Variants in IL1RAPL1 observed in about 807,000 individuals in gnomAD.
IL1RAPL1 encodes the protein interleukin-1 receptor accessory protein-like 1.
In IL1RAPL1, 3 loss-of-function variants were observed where a neutral mutation model predicts 48.4. The observed-to-expected ratio is 0.06, with a 90% confidence interval of 0.03 to 0.16. The LOEUF (loss-of-function observed/expected upper bound fraction) is 0.16, where lower values mean the gene tolerates loss of function less well. IL1RAPL1 is among the 10% of genes least tolerant of loss of function. The pLI is 1.00. For synonymous variants in IL1RAPL1, 185 were observed against 187.7 expected (o/e 0.99, Z 0.12); for missense variants, 349 against 530.6 (o/e 0.66, Z 3.36).
At chrX:28,834,270 T>A (rs73631608) in intron 2 of IL1RAPL1, among the ~76,000 whole-genome samples, 77 of 103,070 alleles carry the variant, frequency 7.5e-4, no homozygotes, top group African/African-American at 2.7e-3. Flanking sequence ...AATTTTTGTG[T>A]GTATCTTCAT....
intron 6 of IL1RAPL1, among the ~76,000 whole-genome samples, chrX:29,791,971 TTTGCCCTCC>T (rs1209019837): frequency 9.1e-6 from 1 of 109,943 alleles, no homozygotes; most frequent in African/African-American, 3.3e-5. Context: ...GCTCAAGTGA[TTTGCCCTCC>T]TCGGCCTCCC....
intron 5 of IL1RAPL1, among the ~76,000 whole-genome samples, chrX:29,418,860 T>C (rs1406125555): frequency 8.9e-6 from 1 of 112,290 alleles, no homozygotes; most frequent in East Asian, 2.8e-4. Flanking sequence ...TAATCTAATT[T>C]GTCTTTGAGT....
intron 5 of IL1RAPL1, among the ~76,000 whole-genome samples, chrX:29,435,279 A>G (rs965844060): frequency 1.8e-5 from 2 of 111,309 alleles, no homozygotes; most frequent in Non-Finnish European, 3.8e-5. Flanking sequence ...GTACAAGTTG[A>G]TAATGTGAAC....
intron 2 of IL1RAPL1, among the ~76,000 whole-genome samples, chrX:29,193,922 A>G (rs1930397466): frequency 8.9e-6 from 1 of 111,843 alleles, no homozygotes; most frequent in Non-Finnish European, 1.9e-5. Context: ...TATTTTTGCA[A>G]CTTCTTGATC....
At chrX:29,184,966 AGTCTATATGAGATGTACTGTGTT>A (rs1320543774) in intron 2 of IL1RAPL1, among the ~76,000 whole-genome samples, 1 of 112,045 alleles carries the variant, frequency 8.9e-6, no homozygotes, top group Non-Finnish European at 1.9e-5. Context: ...CAATTTTGTG[AGTCTATATGAGATGTACTGTGTT>A]GTTCCTAAAG....
intron 1 of IL1RAPL1, among the ~76,000 whole-genome samples, chrX:28,734,199 C>G (rs1313547032): frequency 9.0e-6 from 1 of 110,937 alleles, no homozygotes; most frequent in Non-Finnish European, 1.9e-5. Flanking sequence ...CTGCTCTTCC[C>G]CTCTTCAAAT....
chrX:29,544,982 G>T (rs760358426), intron 5 of IL1RAPL1, among the ~76,000 whole-genome samples: 9 of 110,324 alleles, frequency 8.2e-5, no homozygotes, highest in Admixed American at 2.0e-4. Context: ...CCAGGAGGAG[G>T]CATGCACCCA....
At chrX:29,216,033 A>AAG (rs1368500249) in intron 2 of IL1RAPL1, among the ~76,000 whole-genome samples, 3 of 111,501 alleles carry the variant, frequency 2.7e-5, no homozygotes, top group Non-Finnish European at 5.6e-5. Context: ...AATGAAAATG[A>AAG]TCACTTCTTC....
In IL1RAPL1 at chrX:29,954,508, G is replaced by A. The variant is rs2147258587; in HGVS notation, c.1202-14G>A. The A allele has an allele frequency of 8.3e-7, 1 of 1,200,693 alleles. No homozygotes were observed. The highest frequency in any genetic ancestry group is 1.8e-5 in the South Asian group (1 of 56,606). ...GAGTAGTGACTTCGACTTTTCTTTG[G>A]AATTTTTTGACAGACAATAAAGATT... On this transcript the variant is annotated splice_polypyrimidine_tract_variant and intron_variant, in intron 9 of 10. Transcript: ENST00000378993.
chrX:28,999,437 A>G (rs1297737511), intron 2 of IL1RAPL1, among the ~76,000 whole-genome samples: 1 of 111,384 alleles, frequency 9.0e-6, no homozygotes, highest in African/African-American at 3.3e-5. Flanking sequence ...CCAATCCCTG[A>G]GTTAATTTAG....
intron 2 of IL1RAPL1, among the ~76,000 whole-genome samples, chrX:29,004,983 T>C (rs1379057414): frequency 8.9e-6 from 1 of 112,382 alleles, no homozygotes; most frequent in African/African-American, 3.2e-5. Flanking sequence ...ATGGTTCCCA[T>C]TTGGCATTTT....
At chrX:28,837,418 A>T (rs1278098916) in intron 2 of IL1RAPL1, among the ~76,000 whole-genome samples, 1 of 111,298 alleles carries the variant, frequency 9.0e-6, no homozygotes, top group Non-Finnish European at 1.9e-5. Context: ...CTGTAAAAAG[A>T]TGTTCATGTT....
intron 2 of IL1RAPL1, among the ~76,000 whole-genome samples, chrX:29,272,450 AT>A (rs961662391): frequency 2.8e-5 from 3 of 108,828 alleles, no homozygotes; most frequent in South Asian, 3.9e-4. Context: ...CTTTGTTAGA[AT>A]TTTTTTTTTA....
intron 3 of IL1RAPL1, among the ~76,000 whole-genome samples, chrX:29,334,329 A>ACC (rs1489485840): frequency 4.2e-5 from 2 of 47,102 alleles, no homozygotes; most frequent in Admixed American, 2.0e-4. Context: ...CGGGGGGCTG[A>ACC]CCCCCCCACC....
chrX:29,195,064 A>C (rs916913627), intron 2 of IL1RAPL1, among the ~76,000 whole-genome samples: 1 of 111,874 alleles, frequency 8.9e-6, no homozygotes. Context: ...CAGGGTAGGA[A>C]GAATTATCTC....
chrX:29,430,834 G>T (rs1934414048), intron 5 of IL1RAPL1, among the ~76,000 whole-genome samples: 1 of 110,333 alleles, frequency 9.1e-6, no homozygotes, highest in Admixed American at 9.8e-5. Flanking sequence ...GATCAGAAGA[G>T]AAACTCTTGG....
At chrX:29,802,777 ATATATGTGTGTGTG>A (rs1459679698) in intron 6 of IL1RAPL1, among the ~76,000 whole-genome samples, 4 of 24,370 alleles carry the variant, frequency 1.6e-4, no homozygotes, top group African/African-American at 6.5e-4. Flanking sequence ...ATATATATAT[ATATATGTGTGTGTG>A]TATATATATA....
intron 3 of IL1RAPL1, among the ~76,000 whole-genome samples, chrX:29,321,258 A>AT (rs1932801910): frequency 9.0e-6 from 1 of 111,727 alleles, no homozygotes; most frequent in South Asian, 3.7e-4. Flanking sequence ...TAGAGAGAGA[A>AT]TTTTGCCCAC....
intron 6 of IL1RAPL1, among the ~76,000 whole-genome samples, chrX:29,815,557 T>G (rs1930473300): frequency 9.0e-6 from 1 of 111,488 alleles, no homozygotes; most frequent in African/African-American, 3.3e-5. Context: ...TTTTTCTATT[T>G]GGATGCCTCT....
Sources: gnomAD v4.1 joint callset for allele counts (sites outside exome capture counted in the v4.1 genomes callset) on GRCh38, gnomAD v4.1.1 for gene constraint, MANE v1.5 for transcripts, NCBI Gene and HGNC (gene_info 2026-07-23, HGNC 2026-07-21) for gene names.